Variants in NBPF14 observed in about 807,000 individuals in gnomAD.
NBPF14 encodes NBPF member 14, also known as NBPF family member NBPF14.
In NBPF14, 104 loss-of-function variants were observed where a neutral mutation model predicts 91.2. That is an observed-to-expected ratio of 1.14 (90% CI 0.97 to 1.34). NBPF14 has a LOEUF of 1.34. NBPF14 is among the 40% of genes most tolerant of loss of function. The pLI is 0.00. For missense variants in NBPF14, 908 were observed against 783.0 expected (o/e 1.16, Z -1.91); for synonymous variants, 294 against 303.8 (o/e 0.97, Z 0.34).
chr1:148,532,297 C>G (rs1470814586), exon 71 of NBPF14: 2 of 153,664 alleles, frequency 1.3e-5, no homozygotes, highest in Non-Finnish European at 2.9e-5. Flanking sequence ...TATTCTGCAC[C>G]GGCAGAGTCC....
At chr1:148,581,767 A>T (rs1228994965) in intron 12 of NBPF14, among the ~76,000 whole-genome samples, 4 of 151,574 alleles carry the variant, frequency 2.6e-5, no homozygotes, top group African/African-American at 9.8e-5. Context: ...TGCATCAACT[A>T]ACAGGCGAAA....
chr1:148,575,982 A>G (rs1471297106), intron 16 of NBPF14, among the ~76,000 whole-genome samples, 171 bp from the exon 17 acceptor site: 3 of 143,368 alleles, frequency 2.1e-5, no homozygotes, highest in Middle Eastern at 3.2e-3. Context: ...GCCAGGTAGA[A>G]AAGAATGAAA....
intron 68 of NBPF14, 73 bp downstream of exon 68, chr1:148,535,380 C>T (rs1654939749): frequency 1.3e-5 from 7 of 534,428 alleles, no homozygotes; most frequent in East Asian, 6.8e-5. Context: ...ATTGAACACA[C>T]TCTTGTTTTC....
At position 148,533,260 on chromosome 1, in the gene NBPF14, G is replaced by C. The variant is rs781999996; in HGVS notation, c.8724-12C>G. The C allele has an allele frequency of 3.0e-6, 2 of 662,760 alleles. No homozygotes were observed. 41.1% of individuals were successfully genotyped at this position (662,760 alleles called of 1,614,324 possible). A position where few individuals can be genotyped will look rare whatever the true frequency, so the allele number is the denominator to read the frequency against. On this transcript the variant is annotated splice_polypyrimidine_tract_variant and intron_variant, in intron 70 of 70. Transcript: ENST00000619423. ...GCACGCCGTTGAGCCTGGAAAAGGAGACAAAACTAAAGAAGCAGCCAGGGA... is the reference window on the plus strand; with the variant it reads ...GCACGCCGTTGAGCCTGGAAAAGGACACAAAACTAAAGAAGCAGCCAGGGA...
chr1:148,586,857 G>A (rs1661617774), intron 8 of NBPF14, among the ~76,000 whole-genome samples: 2 of 139,710 alleles, frequency 1.4e-5, no homozygotes, highest in African/African-American at 5.2e-5. Flanking sequence ...GAGGCCAGGT[G>A]CAGATGGGGC....
At chr1:148,559,550 T>G (rs1282225810) in intron 37 of NBPF14, among the ~76,000 whole-genome samples, 7 of 121,366 alleles carry the variant, frequency 5.8e-5, no homozygotes, top group Admixed American at 8.2e-5. Context: ...AGGTCCAATG[T>G]CATGAGAGTA....
rs1406860921 is a variant in NBPF14 at position 148,533,901 on chromosome 1, T to C, written c.8683A>G (p.Arg2895Gly). Residue 2895 changes from arginine (R) to glycine (G), a missense_variant, in exon 70 of 71, where the codon AGA becomes GGA. Transcript: ENST00000619423. ...TTTTGATCTTCTTCCCCTTCTTTTC[T>C]TCCCCTTCTTCTTTCCTTCTTTGAT... The C allele has an allele frequency of 6.6e-6, 5 of 756,302 alleles. No individual in the cohort carries two copies. The African/African-American group carries it at 8.7e-5, about 13-fold the overall frequency. 46.8% of individuals were successfully genotyped at this position (756,302 alleles called of 1,614,324 possible). A position where few individuals can be genotyped will look rare whatever the true frequency, so the allele number is the denominator to read the frequency against.
At chr1:148,561,802 A>C (rs1458609633) in intron 34 of NBPF14, among the ~76,000 whole-genome samples, 1,013 of 94,332 alleles carry the variant, frequency 0.011, 31 homozygotes, top group African/African-American at 0.03. Context: ...CACACACACA[A>C]ACACACACAC....
Position 148,557,605 on chromosome 1 carries a change from A to G in NBPF14, c.4955-63T>C, listed in dbSNP as rs1414384594. The G allele has an allele frequency of 3.6e-4, 210 of 588,928 alleles. 30 individuals carry two copies. The highest frequency in any genetic ancestry group is 5.3e-4 in the Admixed American group (20 of 37,426). The allele number at this position is 588,928 out of a possible 1,614,324, so 36.5% of individuals were successfully genotyped here. A position where few individuals can be genotyped will look rare whatever the true frequency, so the allele number is the denominator to read the frequency against. ...AATTCACCTACACCCATAACAGTCC[A>G]CTGTCTAATCCCCACACAGGGATCT... On this transcript the variant is annotated intron_variant, in intron 39 of 70. Transcript: ENST00000619423.
intron 34 of NBPF14, among the ~76,000 whole-genome samples, chr1:148,561,813 A>ACT (rs1371935164): frequency 1.9e-4 from 26 of 136,900 alleles, no homozygotes; most frequent in African/African-American, 8.0e-4. Context: ...ACACACACAC[A>ACT]CACACAGAGA....
chr1:148,541,658 A>G, intron 60 of NBPF14, 73 bp downstream of exon 60: 1 of 13,162 alleles, frequency 7.6e-5, no homozygotes, highest in South Asian at 7.4e-4. Context: ...CATCAAACAC[A>G]CTCTGGTTTC....
At chr1:148,534,896 A>T (rs1359905023) in intron 68 of NBPF14, 40 bp from the exon 69 acceptor site, 5 of 718,222 alleles carry the variant, frequency 7.0e-6, no homozygotes, top group Admixed American at 4.1e-5. Flanking sequence ...GCCAGGGGGA[A>T]TCAGAAACCA....
rs1261701200 is a variant in NBPF14, at chr1:148,559,937, C to G, written c.4585G>C (p.Gly1529Arg). 2.5e-5 allele frequency: 34 copies of G among 1,380,020 alleles called. 1 individual carries two copies. The highest frequency in any genetic ancestry group is 8.9e-5 in the Admixed American group (5 of 56,258). The allele number at this position is 1,380,020 out of a possible 1,614,324, so 85.5% of individuals were successfully genotyped here. A position where few individuals can be genotyped will look rare whatever the true frequency, so the allele number is the denominator to read the frequency against. ...AGTGAGTCCTGCAAGACTTCAGGCCCTTTCTCATGCAGCAGCTCCCTGCTG... is the reference window on the plus strand; with the variant it reads ...AGTGAGTCCTGCAAGACTTCAGGCCGTTTCTCATGCAGCAGCTCCCTGCTG... Residue 1529 changes from glycine to arginine, a missense_variant, in exon 37 of 71, where the codon GGG (glycine) becomes CGG (arginine). Physicochemically the swap from Gly to Arg is moderately radical, Grantham distance 125. This residue lies in a region of NBPF14 where 447 missense variants were observed against 189.1 expected (regional missense o/e 2.36). Transcript: ENST00000619423.
At chr1:148,533,408 G>A (rs1406494523) in intron 70 of NBPF14, among the ~76,000 whole-genome samples, 160 bp from the exon 71 acceptor site, 2 of 149,864 alleles carry the variant, frequency 1.3e-5, no homozygotes, top group African/African-American at 5.0e-5. Flanking sequence ...TGTTGGGATA[G>A]AACAGGGCCA....
At chr1:148,566,568 G>A (rs1343807345) in intron 28 of NBPF14, among the ~76,000 whole-genome samples, 2 of 143,524 alleles carry the variant, frequency 1.4e-5, no homozygotes, top group African/African-American at 5.0e-5. Flanking sequence ...CAGAGAACGA[G>A]CTCAGTGAAT....
At chr1:148,593,144 G>A (rs1439009601) in intron 3 of NBPF14, among the ~76,000 whole-genome samples, 2 of 147,736 alleles carry the variant, frequency 1.4e-5, no homozygotes, top group African/African-American at 4.9e-5. Flanking sequence ...GTACAGAAAT[G>A]AGGCCAGGTG....
chr1:148,577,501 T>G lies in NBPF14; in HGVS notation c.1854-146A>C, dbSNP rs1660049894. The G allele has an allele frequency of 1.4e-5, 10 of 709,566 alleles. No individual in the cohort carries two copies. The South Asian group carries it at 1.5e-4, about 11-fold the overall frequency. 44.0% of individuals were successfully genotyped at this position (709,566 alleles called of 1,614,324 possible). ...GAGGTAACAAATTATTGCCTTTATG[T>G]TGGGATAGACTATGGCCAGGTAGAA... is the stretch of plus-strand genomic sequence containing the variant. On this transcript the variant is annotated intron_variant, in intron 14 of 70. Transcript: ENST00000619423.
chr1:148,535,975 C>G (rs1655116338), intron 67 of NBPF14, among the ~76,000 whole-genome samples: 1 of 150,714 alleles, frequency 6.6e-6, no homozygotes, highest in Admixed American at 6.6e-5. Flanking sequence ...CTGCCCAGAT[C>G]CAACATCTTG....
exon 25 of NBPF14, chr1:148,569,338 T>G: frequency 4.9e-6 from 2 of 408,158 alleles, no homozygotes; most frequent in Admixed American, 9.6e-5. Context: ...GTCAGTCAGT[T>G]CAAGACAACC....
Sources: allele counts gnomAD v4.1 joint callset (sites outside exome capture counted in the v4.1 genomes callset), GRCh38; gene constraint gnomAD v4.1.1; regional missense constraint gnomAD v4.1.1; transcripts MANE v1.5; gene names NCBI Gene and HGNC (gene_info 2026-07-23, HGNC 2026-07-21).